The following CPNE4 variants were observed in gnomAD, a reference collection of about 807,000 sequenced individuals.
CPNE4 encodes the protein copine-4.
Under a neutral mutation model 67.9 loss-of-function variants are expected in CPNE4, and 25 were observed. The observed-to-expected ratio is 0.37, with a 90% CI of 0.27 to 0.51. The LOEUF (loss-of-function observed/expected upper bound fraction) is 0.51. CPNE4 is among the 20% of genes least tolerant of loss of function. The pLI, the probability that CPNE4 is intolerant of heterozygous loss-of-function variation, is 0.93. For synonymous variants in CPNE4, 242 were observed against 244.9 expected, an observed-to-expected ratio of 0.99 and a Z score of 0.11; for missense variants, 464 against 690.8, an observed-to-expected ratio of 0.67 and a Z score of 3.68.
chr3:131,716,747 T>A (rs876518), intron 3 of CPNE4, among the ~76,000 whole-genome samples: 124,194 of 152,230 alleles, frequency 0.82, 50,932 homozygotes, highest in African/African-American at 0.88. Context: ...TCCTTGCAAT[T>A]TTTCTTGAAG....
intron 2 of CPNE4, among the ~76,000 whole-genome samples, chr3:131,813,968 T>A (rs1171916688): frequency 6.6e-6 from 1 of 152,194 alleles, no homozygotes; most frequent in Non-Finnish European, 1.5e-5. Context: ...CTGGACTGAT[T>A]TCTATCTGAC....
At chr3:132,024,065 C>T (rs2074062833) in intron 1 of CPNE4, among the ~76,000 whole-genome samples, 1 of 145,408 alleles carries the variant, frequency 6.9e-6, no homozygotes, top group South Asian at 2.2e-4. Flanking sequence ...AACAAAAGCT[C>T]TTTGGGGTCT....
chr3:131,732,280 T>C (rs527243937), intron 2 of CPNE4, among the ~76,000 whole-genome samples: 6 of 152,346 alleles, frequency 3.9e-5, no homozygotes, highest in Admixed American at 2.0e-4. Flanking sequence ...AAAGTTGGTT[T>C]ATTTGGATGT....
chr3:131,551,470 G>A (rs1263858451), intron 13 of CPNE4, among the ~76,000 whole-genome samples: 1 of 152,104 alleles, frequency 6.6e-6, no homozygotes, highest in African/African-American at 2.4e-5. Flanking sequence ...TCATTCTGCT[G>A]TGGGGGAAAC....
At chr3:131,669,826 A>G in intron 6 of CPNE4, 62 bp from the exon 7 acceptor site, 2 of 1,250,484 alleles carry the variant, frequency 1.6e-6, no homozygotes, top group South Asian at 1.2e-5. Context: ...TCACATTTCC[A>G]CATTAAAACT....
At chr3:131,696,266 A>G (rs908128919) in intron 5 of CPNE4, among the ~76,000 whole-genome samples, 1 of 152,130 alleles carries the variant, frequency 6.6e-6, no homozygotes. Context: ...GTCCCTAGAA[A>G]TGGGGTTAAA....
intron 2 of CPNE4, among the ~76,000 whole-genome samples, chr3:131,881,405 C>T (rs906929605): frequency 6.6e-6 from 1 of 152,096 alleles, no homozygotes; most frequent in African/African-American, 2.4e-5. Flanking sequence ...AACTCAAATT[C>T]TGTAAGTTCT....
chr3:131,640,697 C>A (rs1184406447), intron 7 of CPNE4, among the ~76,000 whole-genome samples: 8 of 151,988 alleles, frequency 5.3e-5, no homozygotes, highest in Admixed American at 5.2e-4. Context: ...AAAAAGGAGC[C>A]TGCATAGCCA....
chr3:131,956,087 A>G (rs2071961409), intron 1 of CPNE4, among the ~76,000 whole-genome samples: 1 of 124,442 alleles, frequency 8.0e-6, no homozygotes, highest in Non-Finnish European at 1.8e-5. Context: ...TTCTTCTCGT[A>G]TTTTTTAAAA....
chr3:132,010,109 T>C (rs1270289016), intron 1 of CPNE4, among the ~76,000 whole-genome samples: 2 of 152,244 alleles, frequency 1.3e-5, no homozygotes, highest in Non-Finnish European at 2.9e-5. Context: ...CACCTGGCTA[T>C]AAGTTCCGAG....
At chr3:131,677,807 C>A (rs2080623266) in intron 6 of CPNE4, among the ~76,000 whole-genome samples, 1 of 152,216 alleles carries the variant, frequency 6.6e-6, no homozygotes, top group Non-Finnish European at 1.5e-5. Context: ...GTTCTTATAC[C>A]AGTACCATGC....
In CPNE4 at chr3:131,902,627, T is replaced by C. The variant is rs1276801939; in HGVS notation, c.180+2637A>G. 2.0e-5 allele frequency among the ~76,000 whole-genome samples: 3 copies of C among 152,166 alleles called. No homozygotes were observed. In the East Asian group the frequency reaches 5.8e-4, roughly 29 times the overall value. On this transcript the variant is annotated intron_variant, in intron 2 of 15. Transcript: ENST00000429747. ...AGGAAAAGCACATACTACTAAGCAA[T>C]AAAATTAGGAAAGAAAATTTTACAA...
intron 2 of CPNE4, among the ~76,000 whole-genome samples, chr3:131,875,764 A>T (rs2087420461): frequency 2.0e-5 from 3 of 152,160 alleles, no homozygotes; most frequent in African/African-American, 7.2e-5. Context: ...CAGCACACCA[A>T]CATGGCACAT....
chr3:131,714,204 C>A (rs1300357041), intron 3 of CPNE4, among the ~76,000 whole-genome samples: 4 of 152,144 alleles, frequency 2.6e-5, no homozygotes, highest in Non-Finnish European at 5.9e-5. Flanking sequence ...TCAGCATCAT[C>A]ATAACACCCA....
At chr3:131,929,733 C>A (rs1438905452) in intron 1 of CPNE4, among the ~76,000 whole-genome samples, 2 of 152,154 alleles carry the variant, frequency 1.3e-5, no homozygotes, top group Admixed American at 6.5e-5. Flanking sequence ...GGAAAGCTCA[C>A]CAACTAATTA....
chr3:131,899,832 G>C (rs1280961969), intron 2 of CPNE4, among the ~76,000 whole-genome samples: 2 of 152,070 alleles, frequency 1.3e-5, no homozygotes, highest in Non-Finnish European at 2.9e-5. Flanking sequence ...GTTATTTTGA[G>C]TTTTATCCTC....
At position 131,726,162 on chromosome 3, in the gene CPNE4, C is replaced by A. The variant is rs575874283; in HGVS notation, c.181-2537G>T. On this transcript the variant is annotated intron_variant, in intron 2 of 15. Coordinates refer to ENST00000429747, the MANE Select transcript of CPNE4 (RefSeq NM_130808.3). ...GATGATAGAAGACAGGTGATGGAAA[C>A]TCTAGTCTTTGTTATTCTCCTTTAA... 2.6e-5 allele frequency among the ~76,000 whole-genome samples: 4 copies of A among 152,320 alleles called. No individual in the cohort carries two copies. The East Asian group carries it at 7.7e-4, about 29-fold the overall frequency.
chr3:131,912,218 C>T (rs145500900), intron 1 of CPNE4, among the ~76,000 whole-genome samples: 1 of 152,184 alleles, frequency 6.6e-6, no homozygotes, highest in East Asian at 1.9e-4. Context: ...TAAAAACTAC[C>T]ACTTCAGCAT....
chr3:131,767,678 A>C (rs2083057304), intron 2 of CPNE4, among the ~76,000 whole-genome samples: 1 of 152,164 alleles, frequency 6.6e-6, no homozygotes, highest in South Asian at 2.1e-4. Flanking sequence ...CAATAGCTTC[A>C]GACCCAATCT....
Sources: allele counts gnomAD v4.1 joint callset (sites outside exome capture counted in the v4.1 genomes callset), GRCh38; gene constraint gnomAD v4.1.1; transcripts MANE v1.5; gene names NCBI Gene and HGNC (gene_info 2026-07-23, HGNC 2026-07-21).